The following SS18 variants were observed in gnomAD, a reference collection of about 807,000 sequenced individuals.
The protein encoded by SS18 is SS18 subunit of BAF chromatin remodeling complex.
SS18 carries 28 observed loss-of-function variants against 72.5 expected under a neutral mutation model. The observed-to-expected ratio is 0.39, with a 90% CI of 0.29 to 0.53. The LOEUF is 0.53. Ranked by LOEUF, SS18 falls within the 20% of genes least tolerant of loss-of-function variation. The pLI is 0.76. For missense variants in SS18, 518 were observed against 535.3 expected, an observed-to-expected ratio of 0.97 and a Z score of 0.32; for synonymous variants, 172 against 164.2, an observed-to-expected ratio of 1.05 and a Z score of -0.37.
Position 26,078,324 on chromosome 18 carries a change from T to C in SS18, c.147-164A>G, listed in dbSNP as rs115718106. ...CACTGCAAAAGTTCCAAATAATAAA[T>C]ATTTAAATATAATGAGCTCAGAGAT... On this transcript the variant is annotated intron_variant, in intron 2 of 10. Transcript: ENST00000415083. The C allele has an allele frequency of 2.1e-3, 1,063 of 513,610 alleles. 10 individuals carry two copies. Among genetic ancestry groups the C allele is most frequent in the African/African-American group, 0.018 (928 of 51,268 alleles). The allele number at this position is 513,610 out of a possible 1,614,324, so 31.8% of individuals were successfully genotyped here. A position where few individuals can be genotyped will look rare whatever the true frequency, so the allele number is the denominator to read the frequency against.
At chr18:26,070,240 C>T (rs537976326) in intron 3 of SS18, among the ~76,000 whole-genome samples, 4 of 152,314 alleles carry the variant, frequency 2.6e-5, no homozygotes, top group African/African-American at 7.2e-5. Context: ...TGAGAACCAA[C>T]ATTTAAATGA....
chr18:26,076,439 G>A (rs1424888181), intron 3 of SS18, among the ~76,000 whole-genome samples: 4 of 151,748 alleles, frequency 2.6e-5, no homozygotes, highest in Non-Finnish European at 5.9e-5. Flanking sequence ...ATAATAATGG[G>A]ACAAAAAACC....
At chr18:26,046,611 C>A (rs1417347902) in intron 5 of SS18, among the ~76,000 whole-genome samples, 2 of 152,198 alleles carry the variant, frequency 1.3e-5, no homozygotes, top group Non-Finnish European at 2.9e-5. Context: ...TCAGCATTTC[C>A]ACAGTCAGCA....
Position 26,090,242 on chromosome 18 carries a change from G to A in SS18, c.69+259C>T, listed in dbSNP as rs1368808720. ...GCCCGAACGCCGCCCCATCCCTAGA[G>A]AAATCAGGCGGCGGCTGTTTGGGCT... On this transcript the variant is annotated intron_variant, in intron 1 of 10. Transcript: ENST00000415083. 25 of 522,666 alleles carry A rather than the reference G, an allele frequency of 4.8e-5. No individual in the cohort carries two copies. In the East Asian group the frequency reaches 8.2e-4, roughly 17 times the overall value. 32.4% of individuals were successfully genotyped at this position (522,666 alleles called of 1,614,324 possible).
At chr18:26,033,483 G>A (rs1194311342) in intron 9 of SS18, among the ~76,000 whole-genome samples, 2 of 151,178 alleles carry the variant, frequency 1.3e-5, no homozygotes, top group East Asian at 1.9e-4. Context: ...CTGCACTCCA[G>A]GTTAGGCAAC....
intron 3 of SS18, among the ~76,000 whole-genome samples, chr18:26,066,766 G>T (rs560897250): frequency 6.6e-6 from 1 of 152,128 alleles, no homozygotes; most frequent in Non-Finnish European, 1.5e-5. Context: ...AAGAAGGTAG[G>T]CAATGATGTT....
chr18:26,036,139 G>A (rs958454204), intron 7 of SS18, among the ~76,000 whole-genome samples: 18 of 151,774 alleles, frequency 1.2e-4, no homozygotes, highest in African/African-American at 4.1e-4. Flanking sequence ...AGTAGTTTTA[G>A]AAACATTACA....
At chr18:26,039,258 T>C in intron 6 of SS18, 31 bp downstream of exon 6, 5 of 1,567,452 alleles carry the variant, frequency 3.2e-6, no homozygotes, top group Non-Finnish European at 4.3e-6. Context: ...TCAATTACAT[T>C]AAGTAGCAAA....
At chr18:26,032,251 T>C in intron 10 of SS18, 148 bp downstream of exon 10, 2 of 886,946 alleles carry the variant, frequency 2.3e-6, no homozygotes, top group Non-Finnish European at 3.4e-6. Context: ...ATCTCAAAAG[T>C]GATACACTTT....
chr18:26,083,625 C>A (rs1307474131), intron 2 of SS18, among the ~76,000 whole-genome samples: 1 of 152,078 alleles, frequency 6.6e-6, no homozygotes, highest in East Asian at 1.9e-4. Context: ...ATTTGTTTAT[C>A]TACAATTATC....
Position 26,038,546 on chromosome 18 carries a change from A to C in SS18, c.880+9T>G. 6.2e-7 allele frequency: 1 copy of C among 1,601,792 alleles called. No homozygotes were observed. The highest frequency in any genetic ancestry group is 8.6e-7 in the Non-Finnish European group (1 of 1,168,938). On this transcript the variant is annotated intron_variant, in intron 7 of 10. Coordinates refer to ENST00000415083, the MANE Select transcript of SS18 (RefSeq NM_001007559.3). Reference sequence around the variant, plus strand: ...AGAAAATGGGAAAGTTAACATCAGGAGAGATTACCATCAGGGTAATATTGC... The same window carrying C: ...AGAAAATGGGAAAGTTAACATCAGGCGAGATTACCATCAGGGTAATATTGC...
At chr18:26,033,179 G>A (rs1482535221) in intron 9 of SS18, among the ~76,000 whole-genome samples, 2 of 152,096 alleles carry the variant, frequency 1.3e-5, no homozygotes, top group African/African-American at 4.8e-5. Context: ...AGATGGCAAG[G>A]GACTGACTTG....
chr18:26,077,974 C>G, intron 3 of SS18, 102 bp downstream of exon 3: 1 of 730,830 alleles, frequency 1.4e-6, no homozygotes. Context: ...CAGAGTAAAG[C>G]AGGATTTACT....
chr18:26,044,449 G>A (rs1478330175), intron 5 of SS18, among the ~76,000 whole-genome samples: 2 of 150,716 alleles, frequency 1.3e-5, no homozygotes, highest in Non-Finnish European at 2.9e-5. Context: ...TCAGCCACCC[G>A]AGAAGCTGAG....
At chr18:26,044,506 TAG>T (rs1328694671) in intron 5 of SS18, among the ~76,000 whole-genome samples, 2 of 151,670 alleles carry the variant, frequency 1.3e-5, no homozygotes, top group African/African-American at 4.8e-5. Flanking sequence ...GTATTTTTAG[TAG>T]AGACAGGGTT....
At chr18:26,064,687 A>C (rs1396869569) in intron 3 of SS18, 2 of 152,126 alleles carry the variant, frequency 1.3e-5, no homozygotes, top group Non-Finnish European at 2.9e-5. Context: ...TGAATTCAGG[A>C]ATAAGACAAG....
intron 10 of SS18, among the ~76,000 whole-genome samples, chr18:26,030,164 T>C (rs577434513): frequency 1.3e-5 from 2 of 152,352 alleles, no homozygotes; most frequent in African/African-American, 4.8e-5. Context: ...TCAAGTCCCC[T>C]AATACGGCTT....
Position 26,018,058 on chromosome 18 carries a change from G to C in SS18, c.*296C>G, listed in dbSNP as rs1008218724. On this transcript the variant is annotated 3_prime_UTR_variant, in exon 11 of 11. Coordinates refer to ENST00000415083, the MANE Select transcript of SS18 (RefSeq NM_001007559.3). ...CAAAGCTGTTCACACCTTTCAGTCT[G>C]TAACAGTCCATTTGAAACACAGTTC... The C allele has an allele frequency of 1.1e-4, 34 of 318,636 alleles. No homozygotes were observed. Among genetic ancestry groups the C allele is most frequent in the African/African-American group, 6.6e-4 (31 of 47,086 alleles). The allele number at this position is 318,636 out of a possible 1,614,324, so 19.7% of individuals were successfully genotyped here.
At chr18:26,071,016 T>C (rs912429421) in intron 3 of SS18, among the ~76,000 whole-genome samples, 1 of 152,070 alleles carries the variant, frequency 6.6e-6, no homozygotes, top group African/African-American at 2.4e-5. Context: ...TATAACAGAT[T>C]AGGCCCAGTG....
Sources: allele counts gnomAD v4.1 joint callset (sites outside exome capture counted in the v4.1 genomes callset), GRCh38; gene constraint gnomAD v4.1.1; transcripts MANE v1.5; gene names NCBI Gene and HGNC (gene_info 2026-07-23, HGNC 2026-07-21).